The following LYN variants were observed in gnomAD, a reference collection of about 807,000 sequenced individuals.
The protein encoded by LYN is LYN proto-oncogene, Src family tyrosine kinase.
A neutral mutation model predicts 65.0 loss-of-function variants in LYN; 12 were observed. The ratio of observed to expected loss-of-function variants is 0.18; its 90% CI spans 0.12 to 0.30. The LOEUF (loss-of-function observed/expected upper bound fraction) is 0.30. Ranked by LOEUF, LYN falls within the 10% of genes least tolerant of loss-of-function variation. The pLI is 1.00. For missense variants in LYN, 380 were observed against 623.2 expected, an observed-to-expected ratio of 0.61 and a Z score of 4.16; for synonymous variants, 222 against 221.2, an observed-to-expected ratio of 1.00 and a Z score of -0.03.
At chr8:55,916,627 A>G (rs541844928) in intron 1 of LYN, among the ~76,000 whole-genome samples, 2 of 152,132 alleles carry the variant, frequency 1.3e-5, no homozygotes, top group African/African-American at 4.8e-5. Context: ...ATCCCTCACC[A>G]TGTCCTGAAT....
At chr8:55,999,190 G>T (rs1808453082) in intron 11 of LYN, among the ~76,000 whole-genome samples, 1 of 152,162 alleles carries the variant, frequency 6.6e-6, no homozygotes. Context: ...GCACTTTCTT[G>T]AAATTCCTAA....
intron 1 of LYN, among the ~76,000 whole-genome samples, chr8:55,896,380 C>A (rs1323909534): frequency 6.6e-6 from 1 of 152,068 alleles, no homozygotes; most frequent in Non-Finnish European, 1.5e-5. Context: ...TGGAAACCAT[C>A]ATTCTCAGCA....
intron 8 of LYN, among the ~76,000 whole-genome samples, chr8:55,957,307 C>T (rs2668017): frequency 0.22 from 33,366 of 152,026 alleles, 3,954 homozygotes; most frequent in Middle Eastern, 0.3. Flanking sequence ...TTATTGGAAG[C>T]TATATTTTGG....
At chr8:55,899,677 T>C in intron 1 of LYN, among the ~76,000 whole-genome samples, 1 of 152,042 alleles carries the variant, frequency 6.6e-6, no homozygotes, top group East Asian at 1.9e-4. Flanking sequence ...TGAGATGGGG[T>C]CTTACACAGT....
intron 8 of LYN, among the ~76,000 whole-genome samples, chr8:55,958,503 G>A (rs1302920394): frequency 2.0e-5 from 3 of 152,156 alleles, no homozygotes; most frequent in Non-Finnish European, 2.9e-5. Flanking sequence ...TTGTGTTTTA[G>A]CGATGTTTAG....
At chr8:55,956,918 C>T (rs1167640508) in intron 8 of LYN, among the ~76,000 whole-genome samples, 1 of 152,184 alleles carries the variant, frequency 6.6e-6, no homozygotes, top group East Asian at 1.9e-4. Context: ...TGTACAGGCT[C>T]TACGGGCCCT....
chr8:55,884,210 C>T lies in LYN; in HGVS notation c.-6+4107C>T, dbSNP rs114230961. 9.9e-3 allele frequency among the ~76,000 whole-genome samples: 1,512 copies of T among 152,242 alleles called. 23 individuals are homozygous for T. Among genetic ancestry groups the T allele is most frequent in the African/African-American group, 0.033 (1,387 of 41,534 alleles). ...CGCCTCCTGGGTTCAAGCAATCCTCCCTGCCTCAGCCTTCTGAGTAGTTGG... is the reference window on the plus strand; with the variant it reads ...CGCCTCCTGGGTTCAAGCAATCCTCTCTGCCTCAGCCTTCTGAGTAGTTGG... On this transcript the variant is annotated intron_variant, in intron 1 of 12. Transcript: ENST00000519728.
At chr8:55,945,836 A>G (rs766440641) in intron 2 of LYN, among the ~76,000 whole-genome samples, 3 of 152,232 alleles carry the variant, frequency 2.0e-5, no homozygotes, top group Non-Finnish European at 4.4e-5. Context: ...CTCCAGGGAC[A>G]GAGCCCTGAC....
intron 10 of LYN, chr8:55,980,306 ACTC>A (rs1467082703): frequency 4.6e-5 from 7 of 151,720 alleles, no homozygotes; most frequent in African/African-American, 1.5e-4. Flanking sequence ...TGATGCCACT[ACTC>A]CTAAGCACAG....
At chr8:55,891,095 G>A (rs1311578320) in intron 1 of LYN, among the ~76,000 whole-genome samples, 1 of 151,118 alleles carries the variant, frequency 6.6e-6, no homozygotes. Flanking sequence ...GCTCATGCCT[G>A]TAATCCCAGC....
At chr8:55,899,793 G>T (rs1304955330) in intron 1 of LYN, among the ~76,000 whole-genome samples, 1 of 152,098 alleles carries the variant, frequency 6.6e-6, no homozygotes, top group African/African-American at 2.4e-5. Flanking sequence ...GGGATTGCAG[G>T]CACACGCCAC....
At chr8:55,896,380 C>G (rs1323909534) in intron 1 of LYN, among the ~76,000 whole-genome samples, 1 of 152,068 alleles carries the variant, frequency 6.6e-6, no homozygotes, top group Admixed American at 6.6e-5. Flanking sequence ...TGGAAACCAT[C>G]ATTCTCAGCA....
chr8:55,929,870 T>A (rs1806209749), intron 1 of LYN, among the ~76,000 whole-genome samples: 1 of 152,330 alleles, frequency 6.6e-6, no homozygotes, highest in East Asian at 1.9e-4. Context: ...GTCCTCTAGA[T>A]CAGGCATCCC....
intron 12 of LYN, among the ~76,000 whole-genome samples, chr8:56,003,300 A>T (rs1173569506): frequency 6.6e-6 from 1 of 151,760 alleles, no homozygotes; most frequent in Non-Finnish European, 1.5e-5. Context: ...TGACCTTGGG[A>T]TCCTCCCGCC....
chr8:55,892,276 C>T (rs1010240968), intron 1 of LYN, among the ~76,000 whole-genome samples: 1 of 152,072 alleles, frequency 6.6e-6, no homozygotes, highest in African/African-American at 2.4e-5. Flanking sequence ...CAAAAATAGC[C>T]AGGTGTGGTG....
chr8:55,959,382 A>T (rs1405316747), intron 8 of LYN, among the ~76,000 whole-genome samples: 1 of 152,252 alleles, frequency 6.6e-6, no homozygotes, highest in Non-Finnish European at 1.5e-5. Flanking sequence ...GAGGCAGTAG[A>T]GCCTCATCTA....
intron 10 of LYN, among the ~76,000 whole-genome samples, chr8:55,995,292 C>T (rs148761348): frequency 6.6e-6 from 1 of 152,208 alleles, no homozygotes; most frequent in Non-Finnish European, 1.5e-5. Context: ...CCCATCAAGG[C>T]TGTTTGAATC....
intron 10 of LYN, among the ~76,000 whole-genome samples, chr8:55,985,883 GT>G (rs1808059502): frequency 6.6e-6 from 1 of 152,096 alleles, no homozygotes; most frequent in South Asian, 2.1e-4. Flanking sequence ...TATACTAAGG[GT>G]GACCAGGCTC....
intron 1 of LYN, among the ~76,000 whole-genome samples, chr8:55,894,714 T>C (rs111730117): frequency 0.063 from 9,624 of 152,186 alleles, 517 homozygotes; most frequent in African/African-American, 0.15. Context: ...TTTGTATTTT[T>C]AGTAGAGACG....
Sources: gnomAD v4.1 joint callset for allele counts (sites outside exome capture counted in the v4.1 genomes callset) on GRCh38, gnomAD v4.1.1 for gene constraint, MANE v1.5 for transcripts, NCBI Gene and HGNC (gene_info 2026-07-23, HGNC 2026-07-21) for gene names.